CNTNAP4: variants seen among roughly 807,000 people sequenced by gnomAD.
The protein encoded by CNTNAP4 is contactin associated protein family member 4.
Under a neutral mutation model 148.4 loss-of-function variants are expected in CNTNAP4, and 98 were observed. The ratio of observed to expected loss-of-function variants is 0.66; its 90% confidence interval spans 0.56 to 0.78. The LOEUF (loss-of-function observed/expected upper bound fraction) is 0.78, where lower values mean the gene tolerates loss of function less well. CNTNAP4 is among the 30% of genes least tolerant of loss of function. The pLI is 0.00. For synonymous variants in CNTNAP4, 730 were observed against 565.1 expected (o/e 1.29, Z -4.14); for missense variants, 1,935 against 1,565.6 (o/e 1.24, Z -3.98).
intron 8 of CNTNAP4, among the ~76,000 whole-genome samples, chr16:76,461,384 A>C (rs1264306370): frequency 1.3e-5 from 2 of 152,192 alleles, no homozygotes; most frequent in African/African-American, 4.8e-5. Flanking sequence ...GTTACAAGTA[A>C]GTTCTAATAA....
intron 4 of CNTNAP4, among the ~76,000 whole-genome samples, chr16:76,441,017 C>A (rs77832481): frequency 1.6e-3 from 250 of 152,160 alleles, no homozygotes; most frequent in African/African-American, 5.8e-3. Context: ...AAGTTTGCTG[C>A]TCAAGAAGGT....
At chr16:76,296,441 T>C (rs1959307290) in intron 1 of CNTNAP4, among the ~76,000 whole-genome samples, 1 of 152,212 alleles carries the variant, frequency 6.6e-6, no homozygotes, top group African/African-American at 2.4e-5. Context: ...GCTTATGTAT[T>C]TATCATTGGA....
At chr16:76,294,642 T>C (rs1433625720) in intron 1 of CNTNAP4, among the ~76,000 whole-genome samples, 3 of 152,206 alleles carry the variant, frequency 2.0e-5, no homozygotes, top group Admixed American at 2.0e-4. Context: ...CACTCACTCT[T>C]CTCTGGGTTG....
intron 17 of CNTNAP4, among the ~76,000 whole-genome samples, chr16:76,533,989 G>GT (rs1250739133): frequency 1.3e-5 from 2 of 152,132 alleles, no homozygotes; most frequent in Non-Finnish European, 2.9e-5. Context: ...GTTAGTGTCC[G>GT]TAAGTCCAGA....
At chr16:76,518,537 C>G (rs1006186438) in intron 15 of CNTNAP4, among the ~76,000 whole-genome samples, 13 of 151,958 alleles carry the variant, frequency 8.6e-5, no homozygotes, top group African/African-American at 3.1e-4. Context: ...AAATTTTTTT[C>G]TAGATACATA....
intron 3 of CNTNAP4, among the ~76,000 whole-genome samples, chr16:76,379,562 A>G (rs1016417433): frequency 2.0e-5 from 3 of 152,126 alleles, no homozygotes; most frequent in Admixed American, 1.3e-4. Flanking sequence ...TACTTTGTAC[A>G]TTGCAGCCGG....
chr16:76,450,823 G>A (rs2080436602), intron 7 of CNTNAP4, among the ~76,000 whole-genome samples: 1 of 152,146 alleles, frequency 6.6e-6, no homozygotes, highest in African/African-American at 2.4e-5. Flanking sequence ...CCAATGCTAG[G>A]TATTGTGAAC....
intron 4 of CNTNAP4, among the ~76,000 whole-genome samples, chr16:76,433,483 C>G (rs1471964813): frequency 1.3e-5 from 2 of 151,882 alleles, no homozygotes; most frequent in African/African-American, 4.8e-5. Flanking sequence ...AAAAAAATTC[C>G]AATTTTTTTA....
At position 76,379,986 on chromosome 16, in the gene CNTNAP4, A is replaced by G. The variant is rs188408928; in HGVS notation, c.390+24475A>G. Among the ~76,000 whole-genome samples the G allele has an allele frequency of 9.9e-5, 15 of 152,282 alleles. No individual in the cohort carries two copies. The South Asian group carries it at 1.9e-3, about 19-fold the overall frequency. On this transcript the variant is annotated intron_variant, in intron 3 of 23. Transcript: ENST00000611870. The stretch of plus-strand genomic sequence containing the variant: ...TGACTACGAGTATTTTTGTCTATCT[A>G]CTTTAATGACATTTGCATAAATCTT...
At chr16:76,448,719 T>G in intron 5 of CNTNAP4, 48 bp from the exon 6 acceptor site, 2 of 1,400,840 alleles carry the variant, frequency 1.4e-6, no homozygotes, top group Non-Finnish European at 1.9e-6. Context: ...TTTTTTTTTT[T>G]TCTTTAGACT....
chr16:76,353,699 C>G (rs1019734128), intron 2 of CNTNAP4, among the ~76,000 whole-genome samples: 4 of 152,086 alleles, frequency 2.6e-5, no homozygotes, highest in Non-Finnish European at 5.9e-5. Flanking sequence ...CTCCAGTTTA[C>G]CCTTATGCTG....
At chr16:76,547,318 GT>G (rs1395746959) in intron 21 of CNTNAP4, among the ~76,000 whole-genome samples, 7 of 152,100 alleles carry the variant, frequency 4.6e-5, no homozygotes, top group Non-Finnish European at 1.0e-4. Flanking sequence ...TCTTATTAAA[GT>G]TGTATAAAAC....
chr16:76,453,981 T>C (rs2080622507), intron 8 of CNTNAP4, among the ~76,000 whole-genome samples: 1 of 152,172 alleles, frequency 6.6e-6, no homozygotes, highest in Non-Finnish European at 1.5e-5. Context: ...GCCATTAGTG[T>C]GTCATTTATT....
chr16:76,316,252 T>TA, intron 1 of CNTNAP4, 161 bp from the exon 2 acceptor site: 1 of 689,554 alleles, frequency 1.5e-6, no homozygotes, highest in East Asian at 2.7e-5. Flanking sequence ...TCATTGAACT[T>TA]ACTAGACTTC....
At chr16:76,366,603 A>G (rs1567872672) in intron 3 of CNTNAP4, among the ~76,000 whole-genome samples, 1 of 152,116 alleles carries the variant, frequency 6.6e-6, no homozygotes, top group Non-Finnish European at 1.5e-5. Flanking sequence ...ATTTGCGTGC[A>G]TGTGTCTTTG....
intron 1 of CNTNAP4, among the ~76,000 whole-genome samples, chr16:76,314,322 C>T (rs1597159782): frequency 2.0e-5 from 3 of 152,084 alleles, no homozygotes; most frequent in South Asian, 4.1e-4. Context: ...GTCCGCAGTG[C>T]AAAGCAAAAG....
chr16:76,295,535 A>G (rs997568448), intron 1 of CNTNAP4, among the ~76,000 whole-genome samples: 2 of 152,096 alleles, frequency 1.3e-5, no homozygotes, highest in Non-Finnish European at 2.9e-5. Flanking sequence ...GAGACTAGAT[A>G]TTAAGCTGGT....
intron 2 of CNTNAP4, among the ~76,000 whole-genome samples, chr16:76,334,887 C>T (rs1963885308): frequency 1.3e-5 from 2 of 152,000 alleles, no homozygotes; most frequent in Admixed American, 6.6e-5. Context: ...ACCTTTCCAT[C>T]TGGTTAACCT....
At chr16:76,364,713 A>G (rs985112133) in intron 3 of CNTNAP4, among the ~76,000 whole-genome samples, 2 of 152,136 alleles carry the variant, frequency 1.3e-5, no homozygotes, top group African/African-American at 4.8e-5. Flanking sequence ...CCTAGACAAA[A>G]CTAATACTTC....
Sources: allele counts gnomAD v4.1 joint callset (sites outside exome capture counted in the v4.1 genomes callset), GRCh38; gene constraint gnomAD v4.1.1; transcripts MANE v1.5; gene names NCBI Gene and HGNC (gene_info 2026-07-23, HGNC 2026-07-21).